The following ARHGAP26 variants were observed in gnomAD, a reference collection of about 807,000 sequenced individuals.
The protein encoded by ARHGAP26 is Rho GTPase activating protein 26.
ARHGAP26 carries 38 observed loss-of-function variants against 104.8 expected under a neutral mutation model. That is an observed-to-expected ratio of 0.36 (90% CI 0.28 to 0.48). The LOEUF (loss-of-function observed/expected upper bound fraction) is 0.48, where lower values mean the gene tolerates loss of function less well. Among genes scored for constraint, ARHGAP26 ranks in the 20% least tolerant of loss-of-function variants. ARHGAP26 has a pLI of 0.99. For synonymous variants in ARHGAP26, 341 were observed against 340.0 expected (o/e 1.00, Z -0.03); for missense variants, 704 against 947.9 (o/e 0.74, Z 3.38).
intron 17 of ARHGAP26, among the ~76,000 whole-genome samples, chr5:143,070,482 C>T (rs1441192902): frequency 2.0e-5 from 3 of 152,190 alleles, no homozygotes; most frequent in African/African-American, 7.2e-5. Flanking sequence ...AACTACAAAA[C>T]ACTGATGACA....
At chr5:142,970,152 A>C (rs921961210) in intron 11 of ARHGAP26, among the ~76,000 whole-genome samples, 1 of 152,188 alleles carries the variant, frequency 6.6e-6, no homozygotes, top group Non-Finnish European at 1.5e-5. Context: ...GAAAATTCCC[A>C]CTGAGCCCAG....
At chr5:143,029,310 C>A (rs937241092) in intron 12 of ARHGAP26, among the ~76,000 whole-genome samples, 3 of 151,680 alleles carry the variant, frequency 2.0e-5, no homozygotes, top group African/African-American at 7.3e-5. Flanking sequence ...TGAGAACATG[C>A]CCCTGAAGTG....
chr5:143,119,355 G>T (rs1362048232), intron 17 of ARHGAP26, among the ~76,000 whole-genome samples: 1 of 152,182 alleles, frequency 6.6e-6, no homozygotes, highest in Admixed American at 6.5e-5. Flanking sequence ...TAGCTCTTTT[G>T]GGAGGGGAAG....
chr5:142,949,541 G>GAT (rs1409519603), intron 11 of ARHGAP26, among the ~76,000 whole-genome samples: 3 of 152,126 alleles, frequency 2.0e-5, no homozygotes, highest in African/African-American at 7.2e-5. Flanking sequence ...TGTTTCCTTG[G>GAT]ATAGGTATCA....
chr5:142,893,084 A>C, intron 5 of ARHGAP26, among the ~76,000 whole-genome samples: 1 of 147,372 alleles, frequency 6.8e-6, no homozygotes, highest in Non-Finnish European at 1.5e-5. Flanking sequence ...TCCTGGGTTC[A>C]AGTGATTCTC....
At chr5:143,053,210 G>A (rs1247746341) in intron 14 of ARHGAP26, among the ~76,000 whole-genome samples, 1 of 152,154 alleles carries the variant, frequency 6.6e-6, no homozygotes, top group Non-Finnish European at 1.5e-5. Flanking sequence ...GATTGGGCAG[G>A]CTTAGGTCTT....
At chr5:142,798,654 G>A (rs1029484211) in intron 1 of ARHGAP26, among the ~76,000 whole-genome samples, 1 of 152,224 alleles carries the variant, frequency 6.6e-6, no homozygotes, top group African/African-American at 2.4e-5. Flanking sequence ...GGTATGTAGC[G>A]AGAAGAGGAA....
At chr5:142,932,196 G>A in intron 11 of ARHGAP26, 71 bp downstream of exon 11, 4 of 1,394,638 alleles carry the variant, frequency 2.9e-6, no homozygotes, top group Middle Eastern at 1.9e-4. Flanking sequence ...CTAGTGCAGT[G>A]ATTTTTGCTG....
Position 142,949,213 on chromosome 5 carries a change from GA to G in ARHGAP26, c.1107+17089del, listed in dbSNP as rs1254889311. 5.0e-4 allele frequency among the ~76,000 whole-genome samples: 32 copies of G among 64,124 alleles called. 2 individuals are homozygous for G. Among genetic ancestry groups the G allele is most frequent in the East Asian group, 4.4e-3 (2 of 456 alleles). 42.1% of individuals were successfully genotyped at this position (64,124 alleles called of 152,430 possible). ...AGAGAGAGAGAGAGAGAGAGAGAGAGAGAGAGAGGAGAGAGAGAGGAGAGAG... is the reference window on the plus strand; with the variant it reads ...AGAGAGAGAGAGAGAGAGAGAGAGAGGAGAGAGGAGAGAGAGAGGAGAGAG... On this transcript the variant is annotated intron_variant, in intron 11 of 22. Coordinates refer to ENST00000645722, the MANE Select transcript of ARHGAP26 (RefSeq NM_001135608.3).
intron 3 of ARHGAP26, among the ~76,000 whole-genome samples, chr5:142,878,273 G>C (rs537550030): frequency 6.6e-6 from 1 of 152,162 alleles, no homozygotes; most frequent in Non-Finnish European, 1.5e-5. Context: ...GTAAAATATT[G>C]TACTGCCTTA....
intron 20 of ARHGAP26, among the ~76,000 whole-genome samples, chr5:143,180,307 G>A (rs1562563547): frequency 6.6e-6 from 1 of 152,036 alleles, no homozygotes; most frequent in Non-Finnish European, 1.5e-5. Context: ...TGTATTTTTA[G>A]TAGAGACGGG....
At chr5:143,061,767 G>A (rs1240726303) in intron 17 of ARHGAP26, among the ~76,000 whole-genome samples, 1 of 152,214 alleles carries the variant, frequency 6.6e-6, no homozygotes, top group African/African-American at 2.4e-5. Context: ...TTCCTGCTCA[G>A]CCAGCGTCTT....
In ARHGAP26 at chr5:142,901,961, C is replaced by T; in HGVS notation, c.624C>T (p.Phe208=). 1 of 1,614,038 alleles carries T rather than the reference C, an allele frequency of 6.2e-7. No homozygotes were observed. Among genetic ancestry groups the T allele is most frequent in the East Asian group, 2.2e-5 (1 of 44,882 alleles). ...EPLLAFLQGL[F]TFYHHGYELA... The stretch of plus-strand genomic sequence containing the variant: ...TGCTGGCCTTCCTGCAAGGACTCTT[C>T]ACTTTCTATCACCATGGTTACGAAC... The change falls in exon 7 of 23, where the codon TTC becomes TTT. Residue 208 remains phenylalanine, a synonymous_variant. Transcript: ENST00000645722.
intron 11 of ARHGAP26, among the ~76,000 whole-genome samples, chr5:142,950,397 A>AT (rs536009059): frequency 6.3e-4 from 93 of 147,068 alleles, no homozygotes; most frequent in Admixed American, 4.8e-4. Flanking sequence ...TAGTGGTGGG[A>AT]TTTTTTTTTT....
chr5:142,913,174 T>G (rs1762056894), intron 9 of ARHGAP26, 25 bp from the exon 10 acceptor site: 1 of 1,605,760 alleles, frequency 6.2e-7, no homozygotes, highest in South Asian at 1.1e-5. Context: ...TGGCCTCATC[T>G]TGATAGTCTG....
At chr5:142,894,625 T>A (rs1759207237) in intron 6 of ARHGAP26, among the ~76,000 whole-genome samples, 1 of 152,024 alleles carries the variant, frequency 6.6e-6, no homozygotes, top group East Asian at 1.9e-4. Context: ...GTGGACAGAG[T>A]GGAAATGGGA....
chr5:143,007,345 G>GT (rs1332051536), intron 11 of ARHGAP26, among the ~76,000 whole-genome samples: 1 of 152,138 alleles, frequency 6.6e-6, no homozygotes, highest in Non-Finnish European at 1.5e-5. Flanking sequence ...TAGGAGGGTT[G>GT]TTTTTTGGGC....
intron 1 of ARHGAP26, among the ~76,000 whole-genome samples, chr5:142,862,422 A>G (rs748536821): frequency 6.6e-5 from 10 of 152,234 alleles, no homozygotes; most frequent in African/African-American, 9.6e-5. Context: ...CTAATTTGTT[A>G]TTTTGAAGTT....
chr5:142,890,149 AAAATATATATATATATATATATATATAT>A (rs1280673107), intron 5 of ARHGAP26, among the ~76,000 whole-genome samples: 1 of 66,714 alleles, frequency 1.5e-5, no homozygotes, highest in African/African-American at 6.8e-5. Flanking sequence ...AAAAAAAAAA[AAAATATATATATATATATATATATATAT>A]ATATATATAT....
Sources: allele counts gnomAD v4.1 joint callset (sites outside exome capture counted in the v4.1 genomes callset), GRCh38; gene constraint gnomAD v4.1.1; transcripts MANE v1.5; gene names NCBI Gene and HGNC (gene_info 2026-07-23, HGNC 2026-07-21).